The following RGS17 variants were observed in gnomAD, a reference collection of about 807,000 sequenced individuals.
RGS17 encodes the protein regulator of G protein signaling 17, also known as regulator of G-protein signaling 17.
A neutral mutation model predicts 25.5 loss-of-function variants in RGS17; 12 were observed. The ratio of observed to expected loss-of-function variants is 0.47; its 90% CI spans 0.30 to 0.76. The LOEUF (loss-of-function observed/expected upper bound fraction) is 0.76. Among genes scored for constraint, RGS17 ranks in the 30% least tolerant of loss-of-function variants. The probability of loss-of-function intolerance (pLI) is 0.07; values close to 1 mark genes in which losing one functional copy is unlikely to be tolerated. For synonymous variants in RGS17, 71 were observed against 76.9 expected, an observed-to-expected ratio of 0.92 and a Z score of 0.40; for missense variants, 196 against 242.2, an observed-to-expected ratio of 0.81 and a Z score of 1.27.
chr6:153,128,664 G>C (rs1351162156), intron 1 of RGS17, among the ~76,000 whole-genome samples: 1 of 152,092 alleles, frequency 6.6e-6, no homozygotes, highest in Non-Finnish European at 1.5e-5. Flanking sequence ...TTTCTTCAAA[G>C]ACCGTGGCCC....
intron 1 of RGS17, among the ~76,000 whole-genome samples, chr6:153,101,786 C>A (rs1052716462): frequency 9.4e-5 from 4 of 42,566 alleles, no homozygotes. Context: ...GGTACTTCCC[C>A]CTTCACTCTC....
chr6:153,043,111 C>T (rs989882854), intron 2 of RGS17, among the ~76,000 whole-genome samples: 3 of 152,198 alleles, frequency 2.0e-5, no homozygotes, highest in African/African-American at 7.2e-5. Context: ...AGCAGGTTCT[C>T]TGAGCTCCCT....
intron 1 of RGS17, among the ~76,000 whole-genome samples, chr6:153,072,966 C>T (rs1776827707): frequency 6.6e-6 from 1 of 152,082 alleles, no homozygotes; most frequent in Non-Finnish European, 1.5e-5. Flanking sequence ...TGGCTTATAA[C>T]TAAAGCTTTA....
chr6:153,110,555 T>A (rs1256969312), intron 1 of RGS17, among the ~76,000 whole-genome samples: 1 of 152,180 alleles, frequency 6.6e-6, no homozygotes, highest in Non-Finnish European at 1.5e-5. Context: ...ACATTATTAA[T>A]GCAATAATAG....
chr6:153,074,335 T>A (rs1276504782), intron 1 of RGS17, among the ~76,000 whole-genome samples: 1 of 152,192 alleles, frequency 6.6e-6, no homozygotes, highest in Non-Finnish European at 1.5e-5. Context: ...GATTGCAAGT[T>A]AGTGTTTCAG....
At chr6:153,054,092 T>TATATATATATATA (rs1393844507) in intron 1 of RGS17, among the ~76,000 whole-genome samples, 2 of 42,100 alleles carry the variant, frequency 4.8e-5, no homozygotes, top group African/African-American at 1.2e-4. Context: ...ACAATATTTT[T>TATATATATATATA]TATATATATA....
chr6:153,077,690 T>C (rs1280478067), intron 1 of RGS17, among the ~76,000 whole-genome samples: 1 of 152,138 alleles, frequency 6.6e-6, no homozygotes, highest in Non-Finnish European at 1.5e-5. Context: ...GGCAAAAAAG[T>C]AAAAGGAAGA....
At chr6:153,064,966 C>T (rs187281191) in intron 1 of RGS17, among the ~76,000 whole-genome samples, 5 of 152,114 alleles carry the variant, frequency 3.3e-5, no homozygotes, top group Admixed American at 2.0e-4. Context: ...ATAATAACAT[C>T]GAATGTAAAG....
chr6:153,021,700 G>A (rs956584001), intron 4 of RGS17, among the ~76,000 whole-genome samples: 1 of 152,090 alleles, frequency 6.6e-6, no homozygotes, highest in Non-Finnish European at 1.5e-5. Flanking sequence ...AGAACAAGTT[G>A]AATTTCACCT....
At chr6:153,020,111 A>ATATATGT (rs1554235102) in intron 4 of RGS17, among the ~76,000 whole-genome samples, 1 of 58,460 alleles carries the variant, frequency 1.7e-5, no homozygotes, top group South Asian at 8.6e-4. Context: ...AAAAAAAAAA[A>ATATATGT]ATATATATAT....
intron 1 of RGS17, among the ~76,000 whole-genome samples, chr6:153,119,681 A>G (rs1777596964): frequency 6.6e-6 from 1 of 152,196 alleles, no homozygotes; most frequent in Admixed American, 6.5e-5. Context: ...CAACAAGAGC[A>G]AGACTCCATC....
chr6:153,025,572 C>T (rs1779290994), intron 3 of RGS17, among the ~76,000 whole-genome samples: 1 of 149,712 alleles, frequency 6.7e-6, no homozygotes, highest in Admixed American at 6.7e-5. Context: ...CTTTCCTATT[C>T]AATGATTTAC....
At chr6:153,020,124 A>ATG (rs1285092765) in intron 4 of RGS17, among the ~76,000 whole-genome samples, 1 of 92,258 alleles carries the variant, frequency 1.1e-5, no homozygotes, top group African/African-American at 4.3e-5. Flanking sequence ...ATATATATAT[A>ATG]TATATATATA....
In RGS17 at chr6:153,040,403, A is replaced by C. The variant is rs143157001; in HGVS notation, c.119+3497T>G. Among the ~76,000 whole-genome samples, 72 of 152,342 alleles carry C rather than the reference A, an allele frequency of 4.7e-4. No homozygotes were observed. The East Asian group carries it at 0.013, about 28-fold the overall frequency. On this transcript the variant is annotated intron_variant, in intron 2 of 4. Transcript: ENST00000206262. ...AAGAGCTGACAATGAAATATGAATG[A>C]GAAGTGCAAATTTGAGGGAAATATT...
At position 153,005,990 on chromosome 6, in the gene RGS17, G is replaced by A. The variant is rs1779070651; in HGVS notation, c.*5584C>T. Reference sequence around the variant, plus strand: ...ACTACTCTAAAATAAAAGGTTTAATGGACACATTACTATTTTAAATTTTAT... The same window carrying A: ...ACTACTCTAAAATAAAAGGTTTAATAGACACATTACTATTTTAAATTTTAT... On this transcript the variant is annotated 3_prime_UTR_variant, in exon 5 of 5. Coordinates refer to ENST00000206262, the MANE Select transcript of RGS17 (RefSeq NM_012419.5). The A allele has an allele frequency of 6.6e-6, 1 of 152,036 alleles. No homozygotes were observed. Among genetic ancestry groups the A allele is most frequent in the South Asian group, 2.1e-4 (1 of 4,820 alleles). 9.4% of individuals were successfully genotyped at this position (152,036 alleles called of 1,614,324 possible).
At chr6:153,119,266 T>C (rs1584167034) in intron 1 of RGS17, among the ~76,000 whole-genome samples, 1 of 152,316 alleles carries the variant, frequency 6.6e-6, no homozygotes, top group East Asian at 1.9e-4. Context: ...TTGTAGTTCA[T>C]TCACCCTCCC....
intron 2 of RGS17, among the ~76,000 whole-genome samples, chr6:153,027,467 C>G (rs1779315060): frequency 6.6e-6 from 1 of 152,066 alleles, no homozygotes; most frequent in South Asian, 2.1e-4. Context: ...GCCAACTGAT[C>G]CCTCTGTCTA....
At chr6:153,099,050 C>T (rs561792047) in intron 1 of RGS17, among the ~76,000 whole-genome samples, 2 of 152,222 alleles carry the variant, frequency 1.3e-5, no homozygotes, top group South Asian at 4.1e-4. Flanking sequence ...CCCCTTTTCA[C>T]GTTCTAAAAT....
chr6:153,020,111 A>ATATAT (rs1554235102), intron 4 of RGS17, among the ~76,000 whole-genome samples: 32 of 58,428 alleles, frequency 5.5e-4, no homozygotes, highest in East Asian at 4.4e-3. Flanking sequence ...AAAAAAAAAA[A>ATATAT]ATATATATAT....
Sources: allele counts gnomAD v4.1 joint callset (sites outside exome capture counted in the v4.1 genomes callset), GRCh38; gene constraint gnomAD v4.1.1; transcripts MANE v1.5; gene names NCBI Gene and HGNC (gene_info 2026-07-23, HGNC 2026-07-21).